The following PVT1 variants were observed in gnomAD, a reference collection of about 807,000 sequenced individuals.
PVT1 encodes the protein Pvt1 oncogene, also known as CXCR4/PVT1 fusion.
At chr8:128,017,775 A>G (rs533518649) in intron 4 of PVT1, among the ~76,000 whole-genome samples, 1 of 152,170 alleles carries the variant, frequency 6.6e-6, no homozygotes, top group South Asian at 2.1e-4. Flanking sequence ...GGACCTGGAC[A>G]CACACAGCCT....
intron 3 of PVT1, among the ~76,000 whole-genome samples, chr8:127,964,404 G>A (rs572641151): frequency 5.3e-4 from 80 of 152,360 alleles, no homozygotes; most frequent in African/African-American, 1.9e-3. Flanking sequence ...CTGGAGGATG[G>A]AGGTCCTCGG....
intron 3 of PVT1, among the ~76,000 whole-genome samples, chr8:127,915,230 G>T (rs934937104): frequency 6.6e-6 from 1 of 152,060 alleles, no homozygotes; most frequent in Admixed American, 6.5e-5. Flanking sequence ...CACTGATTTT[G>T]TACACTTTAA....
At chr8:128,062,880 G>A (rs569461625) in intron 4 of PVT1, among the ~76,000 whole-genome samples, 15 of 152,222 alleles carry the variant, frequency 9.9e-5, no homozygotes, top group Non-Finnish European at 2.2e-4. Flanking sequence ...TAAAGCTAGG[G>A]AACTTTCAGG....
intron 5 of PVT1, among the ~76,000 whole-genome samples, chr8:128,078,699 G>GA (rs1232136863): frequency 6.6e-6 from 1 of 152,048 alleles, no homozygotes. Context: ...ATAAGAAATT[G>GA]AAAAAATGAA....
intron 5 of PVT1, among the ~76,000 whole-genome samples, chr8:128,084,940 C>T (rs1445606293): frequency 6.6e-6 from 1 of 152,182 alleles, no homozygotes; most frequent in Non-Finnish European, 1.5e-5. Context: ...CCAGACAAGT[C>T]ATTCCAAATA....
At chr8:128,047,145 G>A (rs894610645) in intron 4 of PVT1, among the ~76,000 whole-genome samples, 1 of 152,232 alleles carries the variant, frequency 6.6e-6, no homozygotes, top group Non-Finnish European at 1.5e-5. Context: ...GACATTTGCT[G>A]TGCCTTCTCC....
intron 5 of PVT1, among the ~76,000 whole-genome samples, chr8:128,078,406 G>A (rs1814120638): frequency 6.6e-6 from 1 of 152,214 alleles, no homozygotes; most frequent in South Asian, 2.1e-4. Flanking sequence ...GAATAAGCCA[G>A]AGGTTCAGAG....
intron 4 of PVT1, chr8:128,049,187 G>A (rs771637900): frequency 1.9e-6 from 1 of 531,918 alleles, no homozygotes; most frequent in South Asian, 1.4e-5. Flanking sequence ...GGGCTGGCTG[G>A]GTCTGGTAGT....
chr8:127,814,405 T>A (rs1814636159), intron 2 of PVT1, among the ~76,000 whole-genome samples: 1 of 152,196 alleles, frequency 6.6e-6, no homozygotes. Flanking sequence ...CTTTATTTCT[T>A]CCCCAGCTCA....
At chr8:128,025,238 TC>T (rs552354727) in intron 4 of PVT1, among the ~76,000 whole-genome samples, 42 of 152,258 alleles carry the variant, frequency 2.8e-4, no homozygotes, top group Admixed American at 7.8e-4. Flanking sequence ...CAGGATGCCT[TC>T]CGTCATTGCA....
intron 3 of PVT1, among the ~76,000 whole-genome samples, chr8:127,961,455 G>C (rs1816641827): frequency 6.6e-6 from 1 of 152,212 alleles, no homozygotes; most frequent in African/African-American, 2.4e-5. Context: ...ATTCGGTGCT[G>C]TGTGTTGTAC....
chr8:127,949,195 G>A (rs1055498440), intron 3 of PVT1, among the ~76,000 whole-genome samples: 10 of 152,084 alleles, frequency 6.6e-5, no homozygotes, highest in African/African-American at 2.2e-4. Flanking sequence ...GTGGAACTTC[G>A]TAGTTGTACT....
At position 128,050,163 on chromosome 8, in the gene PVT1, G is replaced by T. The variant is rs534556531; in HGVS notation, n.913-19997G>T. On this transcript the variant is annotated intron_variant and non_coding_transcript_variant, in intron 4 of 10. Transcript: ENST00000651587. ...GGAGAAGTGGTTTTCCCTCTCCCTG[G>T]ACCCATTCCAGCCAGCAGTTCCTGA... is the stretch of plus-strand genomic sequence containing the variant. Among the ~76,000 whole-genome samples, 43 of 152,210 alleles carry T rather than the reference G, an allele frequency of 2.8e-4. 1 individual carries two copies. Among genetic ancestry groups the T allele is most frequent in the Admixed American group, 2.2e-3 (33 of 15,286 alleles).
chr8:127,829,741 T>C (rs1814829747), intron 2 of PVT1, among the ~76,000 whole-genome samples: 1 of 152,216 alleles, frequency 6.6e-6, no homozygotes, highest in Non-Finnish European at 1.5e-5. Flanking sequence ...GGAGACAATA[T>C]TGGTAAGATG....
At chr8:127,967,981 G>T (rs1326953611) in intron 3 of PVT1, among the ~76,000 whole-genome samples, 1 of 152,196 alleles carries the variant, frequency 6.6e-6, no homozygotes, top group Non-Finnish European at 1.5e-5. Context: ...GGAAACGTAT[G>T]ACTTTGGAGC....
At chr8:128,058,182 T>A (rs13250078) in intron 4 of PVT1, among the ~76,000 whole-genome samples, 2 of 152,070 alleles carry the variant, frequency 1.3e-5, no homozygotes, top group African/African-American at 2.4e-5. Context: ...TAGCTTGTGA[T>A]GGATCCTTCC....
At chr8:127,873,121 C>T (rs995338440) in intron 2 of PVT1, among the ~76,000 whole-genome samples, 4 of 152,142 alleles carry the variant, frequency 2.6e-5, no homozygotes, top group Non-Finnish European at 4.4e-5. Context: ...CAGCCTGGAG[C>T]GCCTATGGTG....
intron 4 of PVT1, among the ~76,000 whole-genome samples, chr8:128,065,808 G>A (rs1246930970): frequency 6.6e-6 from 1 of 152,180 alleles, no homozygotes; most frequent in Non-Finnish European, 1.5e-5. Flanking sequence ...CAATGTGCTG[G>A]ACATTGTGCA....
At chr8:127,951,113 G>A (rs909238807) in intron 3 of PVT1, among the ~76,000 whole-genome samples, 1 of 152,120 alleles carries the variant, frequency 6.6e-6, no homozygotes, top group African/African-American at 2.4e-5. Flanking sequence ...GGCCAGACTG[G>A]TCTCGAACTC....
Sources: allele counts gnomAD v4.1 joint callset (sites outside exome capture counted in the v4.1 genomes callset), GRCh38; gene constraint gnomAD v4.1.1; transcripts MANE v1.5; gene names NCBI Gene and HGNC (gene_info 2026-07-23, HGNC 2026-07-21).